The following LNX1 variants were observed in gnomAD, a reference collection of about 807,000 sequenced individuals.
The protein encoded by LNX1 is ligand of numb-protein X 1.
LNX1 carries 54 observed loss-of-function variants against 68.4 expected under a neutral mutation model. That is an observed-to-expected ratio of 0.79 (90% CI 0.63 to 0.99). The LOEUF (loss-of-function observed/expected upper bound fraction) is 0.99. LNX1 is among the 50% of genes least tolerant of loss of function. The pLI, the probability that LNX1 is intolerant of heterozygous loss-of-function variation, is 0.00. For missense variants in LNX1, 906 were observed against 926.4 expected (o/e 0.98, Z 0.29); for synonymous variants, 336 against 350.0 (o/e 0.96, Z 0.45).
intron 5 of LNX1, among the ~76,000 whole-genome samples, chr4:53,498,413 A>G (rs76358501): frequency 0.01 from 1,564 of 152,246 alleles, 13 homozygotes; most frequent in Non-Finnish European, 0.017. Context: ...AGACAGATAA[A>G]TATTTATATA....
At chr4:53,543,120 C>T (rs551249159) in intron 2 of LNX1, among the ~76,000 whole-genome samples, 21 of 152,286 alleles carry the variant, frequency 1.4e-4, no homozygotes, top group East Asian at 1.2e-3. Context: ...CTCAGCCTCC[C>T]GAAGTGTTAT....
chr4:53,595,323 G>A (rs150035905), upstream of LNX1, among the ~76,000 whole-genome samples: 1 of 152,300 alleles, frequency 6.6e-6, no homozygotes, highest in East Asian at 1.9e-4. Flanking sequence ...GCTAAATTTA[G>A]ATGGGCTGAG....
At chr4:53,543,317 G>A (rs987545709) in intron 2 of LNX1, among the ~76,000 whole-genome samples, 20 of 152,110 alleles carry the variant, frequency 1.3e-4, no homozygotes, top group African/African-American at 4.3e-4. Flanking sequence ...TCCATCTGAT[G>A]TACTACATGT....
chr4:53,498,064 A>C (rs1329659530), intron 5 of LNX1, among the ~76,000 whole-genome samples: 1 of 152,180 alleles, frequency 6.6e-6, no homozygotes, highest in Non-Finnish European at 1.5e-5. Flanking sequence ...TGAGGACAGT[A>C]ACACCCAAAG....
At chr4:53,542,042 A>T (rs938614998) in intron 2 of LNX1, among the ~76,000 whole-genome samples, 1 of 152,202 alleles carries the variant, frequency 6.6e-6, no homozygotes. Context: ...AAAATGAATA[A>T]TTATTTCTGA....
intron 2 of LNX1, among the ~76,000 whole-genome samples, chr4:53,547,971 C>A (rs1729223245): frequency 6.6e-6 from 1 of 151,950 alleles, no homozygotes; most frequent in African/African-American, 2.4e-5. Context: ...AAAAAGAGGA[C>A]TCAAATTCTG....
chr4:53,566,329 G>T (rs1263979396), intron 2 of LNX1, among the ~76,000 whole-genome samples: 2 of 151,734 alleles, frequency 1.3e-5, no homozygotes, highest in Non-Finnish European at 2.9e-5. Context: ...CCAGAAGAGA[G>T]TGGGGGCCAA....
chr4:53,639,420 C>T (rs1734595032), intron 1 of LNX1, among the ~76,000 whole-genome samples: 1 of 151,714 alleles, frequency 6.6e-6, no homozygotes, highest in Admixed American at 6.6e-5. Context: ...GTACCCCAAA[C>T]CTAAAAAAAA....
intron 2 of LNX1, among the ~76,000 whole-genome samples, chr4:53,565,690 A>C (rs1215290405): frequency 6.6e-6 from 1 of 151,900 alleles, no homozygotes; most frequent in Non-Finnish European, 1.5e-5. Flanking sequence ...TCAGACGATC[A>C]AATTACTCTG....
chr4:53,475,758 T>C (rs1185903273), intron 9 of LNX1, among the ~76,000 whole-genome samples: 1 of 152,220 alleles, frequency 6.6e-6, no homozygotes, highest in Non-Finnish European at 1.5e-5. Flanking sequence ...GGCCATTTTG[T>C]AGGGCTGACC....
At chr4:53,539,965 T>C (rs1728635245) in intron 2 of LNX1, among the ~76,000 whole-genome samples, 2 of 152,364 alleles carry the variant, frequency 1.3e-5, no homozygotes, top group South Asian at 4.1e-4. Context: ...TGGTTAGAAC[T>C]GGAAATTCAG....
In LNX1 at chr4:53,495,311, G is replaced by A. The variant is rs116095427; in HGVS notation, c.1350+712C>T. ...AAATTTCAACAGTGACCCTGACGAA[G>A]TCAACAAAATACATACAGGTGCTTG... On this transcript the variant is annotated intron_variant, in intron 6 of 10. Coordinates refer to ENST00000263925, the MANE Select transcript of LNX1 (RefSeq NM_001126328.3). Among the ~76,000 whole-genome samples, 856 of 152,176 alleles carry A rather than the reference G, an allele frequency of 5.6e-3. 6 individuals carry two copies. Among genetic ancestry groups the A allele is most frequent in the African/African-American group, 0.02 (818 of 41,520 alleles).
Position 53,573,794 on chromosome 4 carries a change from A to T in LNX1, c.209T>A (p.Val70Glu), listed in dbSNP as rs1300369224. Residue 70 changes from valine to glutamate, a missense_variant, in exon 2 of 11, where the codon GTG becomes GAG. By Grantham distance (121) the Val-to-Glu change is moderately radical. Coordinates refer to ENST00000263925, the MANE Select transcript of LNX1 (RefSeq NM_001126328.3). ...GTCCATGGGACAGAAGTCCTTCTCC[A>T]CCAGGAAGTTGGTGAGGCAGAGGGT... ...YCTLCLTNFL[V>E]EKDFCPMDRK... 3.7e-6 allele frequency: 6 copies of T among 1,612,770 alleles called. No homozygotes were observed. The highest frequency in any genetic ancestry group is 1.3e-5 in the African/African-American group (1 of 74,920).
At chr4:53,523,429 G>C (rs1727381518) in intron 2 of LNX1, among the ~76,000 whole-genome samples, 1 of 152,160 alleles carries the variant, frequency 6.6e-6, no homozygotes, top group African/African-American at 2.4e-5. Flanking sequence ...TGGGACTACA[G>C]GCGTGCACCA....
At chr4:53,479,529 C>T (rs1426703190) in intron 7 of LNX1, among the ~76,000 whole-genome samples, 2 of 152,124 alleles carry the variant, frequency 1.3e-5, no homozygotes, top group East Asian at 1.9e-4. Flanking sequence ...ACCAGAAAAG[C>T]GACCAATGTC....
At chr4:53,642,734 G>A (rs548920669) in intron 1 of LNX1, among the ~76,000 whole-genome samples, 1 of 152,244 alleles carries the variant, frequency 6.6e-6, no homozygotes, top group Admixed American at 6.5e-5. Context: ...CGGGGTCTGA[G>A]GTTTCCTTTG....
chr4:53,560,390 G>GT (rs1490522901), intron 2 of LNX1, among the ~76,000 whole-genome samples: 3 of 152,170 alleles, frequency 2.0e-5, no homozygotes, highest in Non-Finnish European at 2.9e-5. Context: ...GTTTTCTGTT[G>GT]TTTTTTATGT....
At chr4:53,551,314 G>A (rs114988530) in intron 2 of LNX1, among the ~76,000 whole-genome samples, 79 of 152,264 alleles carry the variant, frequency 5.2e-4, no homozygotes, top group Non-Finnish European at 9.6e-4. Context: ...ATCAGGTGAT[G>A]GTCAGGCAGT....
chr4:53,595,076 G>A (rs139493245), upstream of LNX1, among the ~76,000 whole-genome samples: 4 of 152,298 alleles, frequency 2.6e-5, no homozygotes, highest in African/African-American at 9.6e-5. Context: ...AAAAATATTG[G>A]TGTTGGCTGG....
Sources: allele counts gnomAD v4.1 joint callset (sites outside exome capture counted in the v4.1 genomes callset), GRCh38; gene constraint gnomAD v4.1.1; transcripts MANE v1.5; gene names NCBI Gene and HGNC (gene_info 2026-07-23, HGNC 2026-07-21).